The following RELN variants were observed in gnomAD, a reference collection of about 807,000 sequenced individuals.
The protein encoded by RELN is reelin.
Under a neutral mutation model 427.6 loss-of-function variants are expected in RELN, and 108 were observed. That is an observed-to-expected ratio of 0.25 (90% CI 0.22 to 0.30). The LOEUF (loss-of-function observed/expected upper bound fraction) is 0.30, where lower values mean the gene tolerates loss of function less well. RELN is among the 10% of genes least tolerant of loss of function. The probability of loss-of-function intolerance (pLI) is 1.00; values close to 1 mark genes in which losing one functional copy is unlikely to be tolerated. For missense variants in RELN, 3,715 were observed against 4,302.8 expected (o/e 0.86, Z 3.82); for synonymous variants, 1,524 against 1,513.4 (o/e 1.01, Z -0.16).
At chr7:103,680,177 G>C (rs78918772) in intron 11 of RELN, among the ~76,000 whole-genome samples, 7,444 of 152,162 alleles carry the variant, frequency 0.049, 490 homozygotes, top group African/African-American at 0.15. Flanking sequence ...GGCACACACA[G>C]AGAAGGAGAG....
Position 103,674,950 on chromosome 7 carries a change from G to A in RELN, c.1289+7166C>T, listed in dbSNP as rs186466384. Among the ~76,000 whole-genome samples the A allele has an allele frequency of 2.3e-3, 356 of 152,206 alleles. 3 individuals carry two copies. The highest frequency in any genetic ancestry group is 8.0e-3 in the African/African-American group (331 of 41,516). On this transcript the variant is annotated intron_variant, in intron 11 of 64. Transcript: ENST00000428762. ...ATATCATACTGAATGGGCAAAAACT[G>A]GAAGCATTCCCTTTGAAAACTAGCA... is the stretch of plus-strand genomic sequence containing the variant.
intron 2 of RELN, among the ~76,000 whole-genome samples, chr7:103,847,955 A>T (rs1465541593): frequency 6.8e-6 from 1 of 147,998 alleles, no homozygotes; most frequent in Non-Finnish European, 1.5e-5. Flanking sequence ...TTAGCAAAGA[A>T]AAGAAAAGAC....
intron 46 of RELN, among the ~76,000 whole-genome samples, chr7:103,532,410 G>T (rs1049940733): frequency 6.6e-6 from 1 of 151,446 alleles, no homozygotes; most frequent in East Asian, 1.9e-4. Context: ...GTTTACCTAT[G>T]TAACAAACCT....
chr7:103,520,037 T>A (rs150501848), intron 48 of RELN, among the ~76,000 whole-genome samples: 1 of 152,138 alleles, frequency 6.6e-6, no homozygotes. Context: ...TATTCCAAGA[T>A]AATTTTCTGT....
Position 103,661,479 on chromosome 7 carries a change from T to C in RELN, c.1338A>G (p.Glu446=), listed in dbSNP as rs766146040. 1 of 1,613,730 alleles carries C rather than the reference T, an allele frequency of 6.2e-7. No homozygotes were observed. The highest frequency in any genetic ancestry group is 1.1e-5 in the South Asian group (1 of 91,080). ...TGAGGAAGACCATTGATAAGCCTGA[T>C]TCTATCGTTCCACATTCTGTACCAA... ...AVIGTECGTI[E]SGLSMVFLKD... Residue 446 remains glutamate, a synonymous_variant, in exon 12 of 65, where the codon GAA becomes GAG. Transcript: ENST00000428762.
chr7:103,706,274 G>T (rs1054346899), intron 8 of RELN, among the ~76,000 whole-genome samples: 2 of 151,924 alleles, frequency 1.3e-5, no homozygotes, highest in Non-Finnish European at 2.9e-5. Context: ...GACAGATTAG[G>T]ATAAAGAGAT....
At position 103,989,281 on chromosome 7, in the gene RELN, C is replaced by T. The variant is rs956489179; in HGVS notation, c.76G>A (p.Ala26Thr). ...LLGATLRARA[A>T]AGYYPRFSPF... Reference sequence around the variant, plus strand: ...GAAAAGCGGGGGTAATAGCCAGCCGCCGCGCGCGCCCTCAGCGTCGCCCCC... The same window carrying T: ...GAAAAGCGGGGGTAATAGCCAGCCGTCGCGCGCGCCCTCAGCGTCGCCCCC... The change falls in exon 1 of 65, where the codon GCG (alanine) becomes ACG (threonine). Residue 26 changes from alanine (A) to threonine (T), a missense_variant. Coordinates refer to ENST00000428762, the MANE Select transcript of RELN (RefSeq NM_005045.4). The surrounding 1 kb of genome is among the most constrained non-coding windows in gnomAD (Gnocchi z 4.9). The T allele has an allele frequency of 6.2e-7, 1 of 1,613,128 alleles. No individual in the cohort carries two copies. The highest frequency in any genetic ancestry group is 8.5e-7 in the Non-Finnish European group (1 of 1,179,724).
chr7:103,896,193 G>A (rs903220735), intron 2 of RELN, among the ~76,000 whole-genome samples: 2 of 152,050 alleles, frequency 1.3e-5, no homozygotes, highest in African/African-American at 4.8e-5. Context: ...TGCTGAAGAC[G>A]CAGAGCAATT....
intron 31 of RELN, among the ~76,000 whole-genome samples, chr7:103,570,683 C>T (rs1463746386): frequency 6.6e-6 from 1 of 152,230 alleles, no homozygotes; most frequent in East Asian, 1.9e-4. Flanking sequence ...CACACTTTCT[C>T]TTTCCCTCTG....
At chr7:103,936,616 A>C (rs1420295136) in intron 1 of RELN, among the ~76,000 whole-genome samples, 1 of 151,958 alleles carries the variant, frequency 6.6e-6, no homozygotes, top group Non-Finnish European at 1.5e-5. Flanking sequence ...TTGAACAATA[A>C]ATGCCCTCAT....
chr7:103,760,439 T>G (rs1306737726), intron 4 of RELN, among the ~76,000 whole-genome samples: 1 of 152,024 alleles, frequency 6.6e-6, no homozygotes, highest in Admixed American at 6.6e-5. Context: ...CTGACTTATT[T>G]TGGATGGAAA....
intron 51 of RELN, 74 bp downstream of exon 51, chr7:103,510,777 C>A: frequency 1.6e-6 from 2 of 1,214,724 alleles, no homozygotes; most frequent in Non-Finnish European, 2.4e-6. Flanking sequence ...AATATTAGAT[C>A]ATCTTTTCTC....
intron 46 of RELN, among the ~76,000 whole-genome samples, chr7:103,532,562 C>G (rs569384949): frequency 6.6e-6 from 1 of 152,104 alleles, no homozygotes; most frequent in Non-Finnish European, 1.5e-5. Flanking sequence ...AATGAACCTC[C>G]AAATCTTTAA....
chr7:103,523,760 C>T (rs1829761738), intron 46 of RELN, among the ~76,000 whole-genome samples: 1 of 152,164 alleles, frequency 6.6e-6, no homozygotes, highest in Non-Finnish European at 1.5e-5. Flanking sequence ...TCACTGCAGC[C>T]TCCACTTCCT....
chr7:103,676,109 G>A (rs553265780), intron 11 of RELN, among the ~76,000 whole-genome samples: 47 of 152,198 alleles, frequency 3.1e-4, no homozygotes, highest in East Asian at 2.5e-3. Context: ...GCAACCTATA[G>A]AATGGGAGAA....
intron 1 of RELN, among the ~76,000 whole-genome samples, chr7:103,976,401 G>A (rs368059788): frequency 2.7e-4 from 36 of 135,514 alleles, no homozygotes; most frequent in African/African-American, 7.9e-4. Flanking sequence ...GTGAGCAAGC[G>A]TTAACACAAA....
chr7:103,810,851 C>T (rs1458758562), intron 3 of RELN, among the ~76,000 whole-genome samples: 4 of 152,134 alleles, frequency 2.6e-5, no homozygotes, highest in Admixed American at 2.6e-4. Flanking sequence ...GATTTCTCTT[C>T]TTCTGTATAG....
intron 1 of RELN, among the ~76,000 whole-genome samples, chr7:103,920,567 GT>G (rs530809994): frequency 0.15 from 20,741 of 134,160 alleles, 1,686 homozygotes; most frequent in East Asian, 0.37. Context: ...CCAGTCTTTG[GT>G]TTTTTTTTTT....
At chr7:103,501,260 G>A (rs751067633) in intron 52 of RELN, among the ~76,000 whole-genome samples, 5 of 152,188 alleles carry the variant, frequency 3.3e-5, no homozygotes, top group African/African-American at 1.2e-4. Flanking sequence ...CCGTGGTCAT[G>A]ATGCAATTTA....
Sources: gnomAD v4.1 joint callset for allele counts (sites outside exome capture counted in the v4.1 genomes callset) on GRCh38, gnomAD v4.1.1 for gene constraint, Gnocchi (gnomAD v3.1) non-coding constraint, MANE v1.5 for transcripts, NCBI Gene and HGNC (gene_info 2026-07-23, HGNC 2026-07-21) for gene names.